The following GRIK2 variants were observed in gnomAD, a reference collection of about 807,000 sequenced individuals.
The protein encoded by GRIK2 is glutamate receptor ionotropic, kainate 2.
A neutral mutation model predicts 100.3 loss-of-function variants in GRIK2; 32 were observed. The observed-to-expected ratio is 0.32, with a 90% CI of 0.24 to 0.43. GRIK2 has a LOEUF of 0.43. Ranked by LOEUF, GRIK2 falls within the 20% of genes least tolerant of loss-of-function variation. GRIK2 has a pLI of 1.00. For synonymous variants in GRIK2, 417 were observed against 389.4 expected (o/e 1.07, Z -0.83); for missense variants, 843 against 1,114.9 (o/e 0.76, Z 3.47).
intron 2 of GRIK2, among the ~76,000 whole-genome samples, chr6:101,463,945 A>AT (rs1771479174): frequency 6.6e-6 from 1 of 152,198 alleles, no homozygotes; most frequent in South Asian, 2.1e-4. Context: ...GTGGATTATA[A>AT]TATATTATAG....
At chr6:101,793,699 TC>T (rs1489975532) in intron 7 of GRIK2, among the ~76,000 whole-genome samples, 2 of 152,118 alleles carry the variant, frequency 1.3e-5, no homozygotes, top group Non-Finnish European at 1.5e-5. Flanking sequence ...CGTTCTCAGA[TC>T]TCCAGCTGCC....
chr6:101,933,387 G>A (rs1790410421), intron 14 of GRIK2, among the ~76,000 whole-genome samples: 2 of 151,118 alleles, frequency 1.3e-5, no homozygotes, highest in Non-Finnish European at 3.0e-5. Flanking sequence ...TCTCTTTCTT[G>A]TCCTACCTTA....
intron 14 of GRIK2, among the ~76,000 whole-genome samples, chr6:102,003,226 T>C (rs1276279467): frequency 6.6e-6 from 1 of 151,708 alleles, no homozygotes; most frequent in Non-Finnish European, 1.5e-5. Flanking sequence ...ATTTATCCTA[T>C]GTTTATTCAT....
intron 7 of GRIK2, among the ~76,000 whole-genome samples, chr6:101,733,304 A>G (rs1398099810): frequency 1.3e-5 from 2 of 152,138 alleles, no homozygotes; most frequent in Admixed American, 1.3e-4. Flanking sequence ...GACAAATTAT[A>G]TGCTTTCAGA....
intron 12 of GRIK2, among the ~76,000 whole-genome samples, chr6:101,891,322 T>G (rs555443810): frequency 1.2e-4 from 18 of 151,872 alleles, no homozygotes; most frequent in African/African-American, 2.4e-4. Context: ...ATTGAGACCA[T>G]CCTGGCCAAA....
chr6:101,945,725 A>G (rs1001501451), intron 14 of GRIK2, among the ~76,000 whole-genome samples: 4 of 152,180 alleles, frequency 2.6e-5, no homozygotes, highest in East Asian at 1.9e-4. Context: ...ATAAATCAAC[A>G]TAACTCCTCT....
chr6:101,985,549 A>G (rs1277731130), intron 14 of GRIK2, among the ~76,000 whole-genome samples: 3 of 151,738 alleles, frequency 2.0e-5, no homozygotes, highest in African/African-American at 7.2e-5. Context: ...CATTGTGTGT[A>G]AGCTTTGCTT....
chr6:101,791,224 T>C (rs1235416073), intron 7 of GRIK2, among the ~76,000 whole-genome samples: 2 of 152,142 alleles, frequency 1.3e-5, no homozygotes, highest in Non-Finnish European at 2.9e-5. Context: ...CTGCTCTGAT[T>C]TTAGTTGTTT....
intron 14 of GRIK2, among the ~76,000 whole-genome samples, chr6:101,943,823 A>G (rs1008542741): frequency 2.5e-4 from 38 of 152,192 alleles, no homozygotes; most frequent in Non-Finnish European, 1.5e-4. Context: ...ATCTTGTCTC[A>G]GATGAAACTT....
Position 101,867,345 on chromosome 6 carries a change from T to A in GRIK2, c.1524+7852T>A, listed in dbSNP as rs553257282. Among the ~76,000 whole-genome samples, 102 of 150,054 alleles carry A rather than the reference T, an allele frequency of 6.8e-4. 2 individuals carry two copies. The highest frequency in any genetic ancestry group is 2.4e-3 in the African/African-American group (96 of 40,530). On this transcript the variant is annotated intron_variant, in intron 11 of 16. Transcript: ENST00000369134. Reference sequence around the variant, plus strand: ...CAGACGATAGAGACATTAGGAATTATGAAAAGTATATAACATTTTTTAAAA... The same window carrying A: ...CAGACGATAGAGACATTAGGAATTAAGAAAAGTATATAACATTTTTTAAAA...
intron 4 of GRIK2, 136 bp downstream of exon 4, chr6:101,626,773 A>G: frequency 3.0e-6 from 2 of 656,642 alleles, no homozygotes; most frequent in Non-Finnish European, 5.2e-6. Flanking sequence ...GAAAGACAGA[A>G]TCAAACACCA....
chr6:101,748,530 A>G (rs1261441985), intron 7 of GRIK2, among the ~76,000 whole-genome samples: 1 of 152,012 alleles, frequency 6.6e-6, no homozygotes, highest in African/African-American at 2.4e-5. Flanking sequence ...ATATGGTTCA[A>G]TTTAGGTAGT....
intron 2 of GRIK2, among the ~76,000 whole-genome samples, chr6:101,615,621 C>T (rs897144720): frequency 2.6e-5 from 4 of 151,674 alleles, no homozygotes; most frequent in African/African-American, 9.7e-5. Context: ...GGATCACATG[C>T]TTATGAAATA....
intron 14 of GRIK2, among the ~76,000 whole-genome samples, chr6:101,983,162 G>A (rs1793818692): frequency 6.6e-6 from 1 of 151,738 alleles, no homozygotes; most frequent in African/African-American, 2.4e-5. Flanking sequence ...TTTTAAATTG[G>A]AAGATAATAA....
chr6:102,006,390 A>ATATTTTTTTTTTTTTTT (rs1315524835), intron 14 of GRIK2, among the ~76,000 whole-genome samples: 1 of 114,104 alleles, frequency 8.8e-6, no homozygotes, highest in African/African-American at 4.6e-5. Context: ...ATATATATAT[A>ATATTTTTTTTTTTTTTT]TTTTTTTTTT....
chr6:101,831,089 C>G (rs1318943662), intron 10 of GRIK2, among the ~76,000 whole-genome samples: 1 of 152,020 alleles, frequency 6.6e-6, no homozygotes, highest in Non-Finnish European at 1.5e-5. Context: ...TGTAACAAAC[C>G]TGCACATGTA....
intron 15 of GRIK2, among the ~76,000 whole-genome samples, chr6:102,044,454 T>C (rs761024584): frequency 5.9e-5 from 9 of 151,988 alleles, no homozygotes; most frequent in Non-Finnish European, 1.2e-4. Flanking sequence ...TTCCACATGA[T>C]TGGGGAGGCC....
At chr6:101,413,683 A>G (rs189733661) in intron 2 of GRIK2, among the ~76,000 whole-genome samples, 20 of 152,110 alleles carry the variant, frequency 1.3e-4, no homozygotes, top group Non-Finnish European at 2.6e-4. Context: ...TCAGTATTTC[A>G]ATTCAATTTC....
chr6:101,599,608 G>T, intron 2 of GRIK2, among the ~76,000 whole-genome samples: 1 of 151,674 alleles, frequency 6.6e-6, no homozygotes, highest in East Asian at 1.9e-4. Flanking sequence ...ATTCTGACTG[G>T]TGTAAGATGG....
Sources: allele counts gnomAD v4.1 joint callset (sites outside exome capture counted in the v4.1 genomes callset), GRCh38; gene constraint gnomAD v4.1.1; transcripts MANE v1.5; gene names NCBI Gene and HGNC (gene_info 2026-07-23, HGNC 2026-07-21).